Variants in CDH13 observed in about 807,000 individuals in gnomAD.
CDH13 encodes the protein cadherin-13.
A neutral mutation model predicts 63.8 loss-of-function variants in CDH13; 24 were observed. The ratio of observed to expected loss-of-function variants is 0.38; its 90% CI spans 0.27 to 0.53. CDH13 has a LOEUF of 0.53. Ranked by LOEUF, CDH13 falls within the 20% of genes least tolerant of loss-of-function variation. The pLI is 0.85. For missense variants in CDH13, 1,049 were observed against 903.1 expected, an observed-to-expected ratio of 1.16 and a Z score of -2.07; for synonymous variants, 503 against 355.3, an observed-to-expected ratio of 1.42 and a Z score of -4.67.
At chr16:82,679,235 G>A (rs568508867) in intron 1 of CDH13, among the ~76,000 whole-genome samples, 140 of 152,280 alleles carry the variant, frequency 9.2e-4, no homozygotes, top group Non-Finnish European at 1.6e-3. Context: ...GCAGAAATAC[G>A]GGGTATAGCT....
At chr16:83,318,379 A>T (rs1436972093) in intron 5 of CDH13, among the ~76,000 whole-genome samples, 1 of 152,180 alleles carries the variant, frequency 6.6e-6, no homozygotes, top group African/African-American at 2.4e-5. Flanking sequence ...TCAGCTATTA[A>T]TTAAAGTCAT....
intron 5 of CDH13, among the ~76,000 whole-genome samples, chr16:83,260,307 A>T (rs1220877090): frequency 1.3e-5 from 2 of 152,216 alleles, no homozygotes; most frequent in Non-Finnish European, 2.9e-5. Flanking sequence ...CTGATGCAAG[A>T]TGTTAGGTAA....
intron 2 of CDH13, among the ~76,000 whole-genome samples, chr16:82,909,386 C>G (rs1323124690): frequency 2.0e-5 from 3 of 151,710 alleles, no homozygotes; most frequent in Admixed American, 6.6e-5. Flanking sequence ...AACAGGAATA[C>G]TACTATATGA....
chr16:83,380,655 A>G (rs965705532), intron 6 of CDH13, among the ~76,000 whole-genome samples: 2 of 152,174 alleles, frequency 1.3e-5, no homozygotes, highest in Admixed American at 6.5e-5. Flanking sequence ...AGGCCACTTC[A>G]TGGCTCAAGG....
At chr16:82,807,014 C>T (rs140949681) in intron 1 of CDH13, among the ~76,000 whole-genome samples, 1,657 of 151,692 alleles carry the variant, frequency 0.011, 19 homozygotes, top group Non-Finnish European at 0.013. Flanking sequence ...GAAAGTAAGA[C>T]TGATAAGGTT....
chr16:83,333,844 A>C (rs902129355), intron 5 of CDH13, among the ~76,000 whole-genome samples: 4 of 152,292 alleles, frequency 2.6e-5, no homozygotes, highest in African/African-American at 7.2e-5. Flanking sequence ...TATTCTAAGA[A>C]GATTCTGGTT....
At chr16:82,665,812 C>T (rs977769777) in intron 1 of CDH13, among the ~76,000 whole-genome samples, 32 of 152,010 alleles carry the variant, frequency 2.1e-4, no homozygotes, top group African/African-American at 7.5e-4. Context: ...GTGCTTAGAG[C>T]ACTTGCGTTA....
intron 6 of CDH13, among the ~76,000 whole-genome samples, chr16:83,374,359 G>A (rs1275496058): frequency 1.3e-5 from 2 of 152,144 alleles, no homozygotes; most frequent in Admixed American, 6.5e-5. Context: ...TGGTTTCTAA[G>A]GTCTTAGGTT....
intron 2 of CDH13, among the ~76,000 whole-genome samples, chr16:83,012,124 C>T (rs1308823038): frequency 2.6e-5 from 4 of 152,100 alleles, no homozygotes; most frequent in South Asian, 4.1e-4. Context: ...TTTAGGAATT[C>T]AGAAAACTAT....
chr16:83,032,594 C>A (rs1249376169), intron 3 of CDH13, among the ~76,000 whole-genome samples: 1 of 152,218 alleles, frequency 6.6e-6, no homozygotes, highest in Admixed American at 6.5e-5. Flanking sequence ...TCAGCAACTA[C>A]CCTCTTTCTG....
intron 2 of CDH13, among the ~76,000 whole-genome samples, chr16:82,980,216 C>G (rs1316618567): frequency 6.6e-6 from 1 of 152,134 alleles, no homozygotes; most frequent in Non-Finnish European, 1.5e-5. Context: ...GAGATACAGC[C>G]AGCCCTCAGT....
intron 10 of CDH13, among the ~76,000 whole-genome samples, chr16:83,690,454 G>A (rs1204147519): frequency 6.6e-6 from 1 of 152,144 alleles, no homozygotes; most frequent in East Asian, 1.9e-4. Context: ...AAGTGGGAAG[G>A]CCCCGAGGCA....
chr16:83,315,374 C>T (rs1339131388), intron 5 of CDH13, among the ~76,000 whole-genome samples: 1 of 152,192 alleles, frequency 6.6e-6, no homozygotes, highest in African/African-American at 2.4e-5. Context: ...GGCAAACAAA[C>T]AAATGCTAAA....
Position 83,327,190 on chromosome 16 carries a change from G to C in CDH13, c.637-17672G>C, listed in dbSNP as rs537482268. 2.0e-5 allele frequency among the ~76,000 whole-genome samples: 3 copies of C among 152,292 alleles called. No homozygotes were observed. In the South Asian group the frequency reaches 6.2e-4, roughly 32 times the overall value. Reference sequence around the variant, plus strand: ...TTCCTTCATTTACATATGCTTATTAGTAATACACGTGTGAGAACAAAATCA... The same window carrying C: ...TTCCTTCATTTACATATGCTTATTACTAATACACGTGTGAGAACAAAATCA... On this transcript the variant is annotated intron_variant, in intron 5 of 13. Coordinates refer to ENST00000567109, the MANE Select transcript of CDH13 (RefSeq NM_001257.5).
At chr16:83,116,990 A>G (rs2035333783) in intron 3 of CDH13, among the ~76,000 whole-genome samples, 1 of 152,206 alleles carries the variant, frequency 6.6e-6, no homozygotes, top group Non-Finnish European at 1.5e-5. Flanking sequence ...GAGGACGGGC[A>G]AATCATCGTA....
At chr16:83,057,865 G>A (rs140719480) in intron 3 of CDH13, among the ~76,000 whole-genome samples, 4 of 152,152 alleles carry the variant, frequency 2.6e-5, no homozygotes, top group African/African-American at 9.6e-5. Flanking sequence ...AAATGCTGAC[G>A]CTTAAACCTG....
At chr16:83,659,785 CTTTTTTTT>C (rs35285231) in intron 8 of CDH13, among the ~76,000 whole-genome samples, 1 of 122,940 alleles carries the variant, frequency 8.1e-6, no homozygotes, top group South Asian at 2.8e-4. Context: ...AGTCCACAAC[CTTTTTTTT>C]TTTTTTTTTT....
At chr16:83,517,691 CA>C (rs1567730418) in intron 7 of CDH13, among the ~76,000 whole-genome samples, 1 of 151,932 alleles carries the variant, frequency 6.6e-6, no homozygotes, top group Non-Finnish European at 1.5e-5. Context: ...AACTGGTTGA[CA>C]AGCTTAAAAA....
chr16:83,472,453 C>G (rs978402344), intron 6 of CDH13, among the ~76,000 whole-genome samples: 20 of 152,218 alleles, frequency 1.3e-4, no homozygotes, highest in African/African-American at 4.6e-4. Context: ...GCCATGATGA[C>G]TCTGGAGCCC....
Sources: allele counts gnomAD v4.1 joint callset (sites outside exome capture counted in the v4.1 genomes callset), GRCh38; gene constraint gnomAD v4.1.1; transcripts MANE v1.5; gene names NCBI Gene and HGNC (gene_info 2026-07-23, HGNC 2026-07-21).